Variants in PM20D2 observed in about 807,000 individuals in gnomAD.
The protein encoded by PM20D2 is xaa-Arg dipeptidase.
Under a neutral mutation model 42.9 loss-of-function variants are expected in PM20D2, and 33 were observed. That is an observed-to-expected ratio of 0.77 (90% CI 0.58 to 1.03). The LOEUF (loss-of-function observed/expected upper bound fraction) is 1.03. Ranked by LOEUF, PM20D2 falls within the 50% of genes least tolerant of loss-of-function variation. PM20D2 has a pLI of 0.00. For synonymous variants in PM20D2, 250 were observed against 228.2 expected, an observed-to-expected ratio of 1.10 and a Z score of -0.86; for missense variants, 548 against 557.0, an observed-to-expected ratio of 0.98 and a Z score of 0.16.
chr6:89,126,085 CAAAAA>C, the PM20D2 span, among the ~76,000 whole-genome samples: 1 of 136,126 alleles, frequency 7.3e-6, no homozygotes, highest in Non-Finnish European at 1.6e-5. Context: ...AACTCTGTCT[CAAAAA>C]AAAAAAAAGT....
upstream of PM20D2, among the ~76,000 whole-genome samples, chr6:89,144,390 A>G (rs186975600): frequency 1.2e-3 from 188 of 152,350 alleles, no homozygotes; most frequent in African/African-American, 3.5e-3. Context: ...AATTTATTCA[A>G]AATGAGTGTT....
the PM20D2 span, among the ~76,000 whole-genome samples, chr6:89,128,804 A>AAAATAG: frequency 6.6e-6 from 1 of 152,150 alleles, no homozygotes; most frequent in Non-Finnish European, 1.5e-5. Context: ...ACACTTATGG[A>AAAATAG]AAATAGAAAG....
At chr6:89,099,814 C>T in the PM20D2 span, among the ~76,000 whole-genome samples, 5 of 152,112 alleles carry the variant, frequency 3.3e-5, no homozygotes, top group Non-Finnish European at 7.4e-5. Context: ...GGATTACAGG[C>T]GTGAGCTACC....
the PM20D2 span, among the ~76,000 whole-genome samples, chr6:89,136,012 T>G: frequency 6.6e-6 from 1 of 151,242 alleles, no homozygotes; most frequent in Non-Finnish European, 1.5e-5. Flanking sequence ...CCAGGTAAGT[T>G]GCCATGTGGG....
At chr6:89,159,542 G>C (rs1240365099) in intron 5 of PM20D2, among the ~76,000 whole-genome samples, 1 of 152,182 alleles carries the variant, frequency 6.6e-6, no homozygotes, top group African/African-American at 2.4e-5. Context: ...TGACTGCTGA[G>C]ATAGTGGAAG....
rs143764286 is a variant in PM20D2 at position 89,158,551 on chromosome 6, C to T, written c.1048+91C>T. 3.2e-5 allele frequency: 45 copies of T among 1,423,296 alleles called. 1 individual carries two copies. In the African/African-American group the frequency reaches 3.9e-4, roughly 12 times the overall value. The allele number at this position is 1,423,296 out of a possible 1,614,324, so 88.2% of individuals were successfully genotyped here. ...GGTTGTATTTAATGGTTTGGGAGGTCGGGAGGTACTACTGACGTTTTTAAT... is the reference window on the plus strand; with the variant it reads ...GGTTGTATTTAATGGTTTGGGAGGTTGGGAGGTACTACTGACGTTTTTAAT... On this transcript the variant is annotated intron_variant, in intron 5 of 6. Coordinates refer to ENST00000275072, the MANE Select transcript of PM20D2 (RefSeq NM_001010853.3).
chr6:89,109,358 A>G, the PM20D2 span, among the ~76,000 whole-genome samples: 9 of 152,350 alleles, frequency 5.9e-5, no homozygotes, highest in East Asian at 9.6e-4. Context: ...GCTGCTGGGC[A>G]CACAGTAGGT....
intron 1 of PM20D2, among the ~76,000 whole-genome samples, chr6:89,146,928 T>C (rs964904643): frequency 1.3e-5 from 2 of 152,238 alleles, no homozygotes; most frequent in Admixed American, 6.5e-5. Context: ...CGGGTTATTT[T>C]TGGTAACTGA....
rs936434667 is a variant in PM20D2 at position 89,155,032 on chromosome 6, T to C, written c.912+130T>C. 7 of 796,676 alleles carry C rather than the reference T, an allele frequency of 8.8e-6. No individual in the cohort carries two copies. The Middle Eastern group carries it at 1.8e-3, about 202-fold the overall frequency. 49.4% of individuals were successfully genotyped at this position (796,676 alleles called of 1,614,324 possible). A position where few individuals can be genotyped will look rare whatever the true frequency, so the allele number is the denominator to read the frequency against. ...GAATATGCAAAATGAATTGGCTGAA[T>C]AGTTAATGTGAAAGTCTTTAATTTT... On this transcript the variant is annotated intron_variant, in intron 4 of 6. Coordinates refer to ENST00000275072, the MANE Select transcript of PM20D2 (RefSeq NM_001010853.3).
At chr6:89,121,002 C>T in the PM20D2 span, among the ~76,000 whole-genome samples, 1 of 151,914 alleles carries the variant, frequency 6.6e-6, no homozygotes, top group African/African-American at 2.4e-5. Context: ...TTAGTATTGT[C>T]AGATTTTTTT....
In PM20D2 at chr6:89,150,034, G is replaced by A. The variant is rs537535868; in HGVS notation, c.614+621G>A. On this transcript the variant is annotated intron_variant, in intron 2 of 6. Coordinates refer to ENST00000275072, the MANE Select transcript of PM20D2 (RefSeq NM_001010853.3). The stretch of plus-strand genomic sequence containing the variant: ...TTTTATACCAGAAATTTCAACCATA[G>A]TAGTAACTATAGTAGTTAATGGTCC... 2.2e-3 allele frequency among the ~76,000 whole-genome samples: 331 copies of A among 152,294 alleles called. 4 individuals carry two copies. Among genetic ancestry groups the A allele is most frequent in the Middle Eastern group, 3.4e-3 (1 of 294 alleles).
At chr6:89,099,521 C>A in the PM20D2 span, among the ~76,000 whole-genome samples, 1 of 137,904 alleles carries the variant, frequency 7.3e-6, no homozygotes, top group Non-Finnish European at 1.5e-5. Flanking sequence ...TATATACACA[C>A]ACACACACAC....
the PM20D2 span, among the ~76,000 whole-genome samples, chr6:89,095,378 A>C: frequency 5.1e-3 from 771 of 152,122 alleles, 13 homozygotes; most frequent in East Asian, 0.038. Context: ...ACGCCCGGCT[A>C]ATTTTTTTTG....
the PM20D2 span, among the ~76,000 whole-genome samples, chr6:89,119,701 CCT>C: frequency 5.3e-5 from 8 of 152,190 alleles, no homozygotes; most frequent in Non-Finnish European, 7.3e-5. Context: ...CTAGGGGAAT[CCT>C]CTGTTTCTTC....
the PM20D2 span, among the ~76,000 whole-genome samples, chr6:89,122,126 A>G: frequency 6.6e-6 from 1 of 152,218 alleles, no homozygotes; most frequent in Non-Finnish European, 1.5e-5. Context: ...CTTTGGGGAA[A>G]TTGCTGATAT....
the PM20D2 span, among the ~76,000 whole-genome samples, chr6:89,140,195 G>C: frequency 1.3e-5 from 2 of 152,086 alleles, no homozygotes; most frequent in Non-Finnish European, 2.9e-5. Context: ...CAATCCTCTT[G>C]CCTTGGCCTC....
At chr6:89,121,173 T>C in the PM20D2 span, among the ~76,000 whole-genome samples, 1 of 152,212 alleles carries the variant, frequency 6.6e-6, no homozygotes, top group East Asian at 1.9e-4. Flanking sequence ...TTCAACTGTG[T>C]AAGGAGTTTC....
chr6:89,126,377 A>G, the PM20D2 span, among the ~76,000 whole-genome samples: 2 of 127,786 alleles, frequency 1.6e-5, no homozygotes, highest in African/African-American at 6.2e-5. Context: ...GCTGAGGGAC[A>G]TAGAAAGACC....
chr6:89,110,953 C>CA, the PM20D2 span, among the ~76,000 whole-genome samples: 2 of 151,588 alleles, frequency 1.3e-5, no homozygotes, highest in Non-Finnish European at 2.9e-5. Flanking sequence ...CCCATCTCTA[C>CA]AAAAAATAAA....
Sources: gnomAD v4.1 joint callset for allele counts (sites outside exome capture counted in the v4.1 genomes callset) on GRCh38, gnomAD v4.1.1 for gene constraint, MANE v1.5 for transcripts, NCBI Gene and HGNC (gene_info 2026-07-23, HGNC 2026-07-21) for gene names.